GINS2: variants seen among roughly 807,000 people sequenced by gnomAD.
The protein encoded by GINS2 is DNA replication complex GINS protein PSF2.
In GINS2, 23 loss-of-function variants were observed where a neutral mutation model predicts 21.2. The observed-to-expected ratio is 1.08, with a 90% CI of 0.78 to 1.53. The LOEUF (loss-of-function observed/expected upper bound fraction) is 1.53, where lower values mean the gene tolerates loss of function less well. Among genes scored for constraint, GINS2 ranks in the 40% most tolerant of loss-of-function variants. GINS2 has a pLI of 0.00. For missense variants in GINS2, 323 were observed against 233.9 expected (o/e 1.38, Z -2.49); for synonymous variants, 118 against 85.6 (o/e 1.38, Z -2.09).
At chr16:85,686,945 G>C (rs1328182749) in intron 2 of GINS2, among the ~76,000 whole-genome samples, 1 of 152,172 alleles carries the variant, frequency 6.6e-6, no homozygotes, top group Non-Finnish European at 1.5e-5. Flanking sequence ...TAAAATATAG[G>C]CTGGGCACAG....
chr16:85,684,570 A>G (rs2053759625), intron 2 of GINS2, among the ~76,000 whole-genome samples: 1 of 151,990 alleles, frequency 6.6e-6, no homozygotes, highest in Non-Finnish European at 1.5e-5. Context: ...TCGGTGAACA[A>G]ATATGTAGTA....
chr16:85,681,525 G>T, intron 3 of GINS2, 57 bp downstream of exon 3: 2 of 1,007,696 alleles, frequency 2.0e-6, no homozygotes, highest in East Asian at 4.8e-5. Context: ...AGGGTTAGGG[G>T]AAGGGCATGG....
chr16:85,687,039 T>C (rs1159482078), intron 2 of GINS2, among the ~76,000 whole-genome samples: 1 of 152,190 alleles, frequency 6.6e-6, no homozygotes, highest in Admixed American at 6.5e-5. Context: ...CTGGGCAGCA[T>C]GGCAAGACCC....
In GINS2 at chr16:85,677,279, C is replaced by G. The variant is rs916847453; in HGVS notation, c.*933G>C. On this transcript the variant is annotated 3_prime_UTR_variant, in exon 5 of 5. Transcript: ENST00000253462. Reference sequence around the variant, plus strand: ...AAGGTAATGTAATTTCTGTAAAGGTCCTAACATTTCCAAAATGCTACGAAT... The same window carrying G: ...AAGGTAATGTAATTTCTGTAAAGGTGCTAACATTTCCAAAATGCTACGAAT... 1 of 152,088 alleles carries G rather than the reference C, an allele frequency of 6.6e-6. No homozygotes were observed. Among genetic ancestry groups the G allele is most frequent in the African/African-American group, 2.4e-5 (1 of 41,400 alleles). 9.4% of individuals were successfully genotyped at this position (152,088 alleles called of 1,614,324 possible). A position where few individuals can be genotyped will look rare whatever the true frequency, so the allele number is the denominator to read the frequency against.
At position 85,677,666 on chromosome 16, in the gene GINS2, G is replaced by C. The variant is rs576644199; in HGVS notation, c.*546C>G. ...GTTACGCAGCACAAAAACCTAGAGA[G>C]TCAGAGCTGAGTTGGGTCCATTTTT... is the stretch of plus-strand genomic sequence containing the variant. On this transcript the variant is annotated 3_prime_UTR_variant, in exon 5 of 5. Transcript: ENST00000253462. 1 of 152,580 alleles carries C rather than the reference G, an allele frequency of 6.6e-6. No individual in the cohort carries two copies. Among genetic ancestry groups the C allele is most frequent in the East Asian group, 1.9e-4 (1 of 5,180 alleles). The allele number at this position is 152,580 out of a possible 1,614,324, so 9.5% of individuals were successfully genotyped here. A position where few individuals can be genotyped will look rare whatever the true frequency, so the allele number is the denominator to read the frequency against.
chr16:85,680,087 C>T (rs1420663351), intron 3 of GINS2, among the ~76,000 whole-genome samples: 1 of 152,192 alleles, frequency 6.6e-6, no homozygotes, highest in African/African-American at 2.4e-5. Context: ...CTCTGATGGA[C>T]TGTCAAGAGC....
At chr16:85,685,005 T>G (rs923427986) in intron 2 of GINS2, among the ~76,000 whole-genome samples, 1 of 152,062 alleles carries the variant, frequency 6.6e-6, no homozygotes, top group Admixed American at 6.6e-5. Flanking sequence ...GCCAGGCTGG[T>G]CTTGAACTCC....
Position 85,679,542 on chromosome 16 carries a change from C to A in GINS2, c.306-876G>T, listed in dbSNP as rs540541654. Among the ~76,000 whole-genome samples, 108 of 152,276 alleles carry A rather than the reference C, an allele frequency of 7.1e-4. 1 individual carries two copies. Among genetic ancestry groups the A allele is most frequent in the African/African-American group, 2.2e-3 (92 of 41,550 alleles). Reference sequence around the variant, plus strand: ...TTATGTAGTGAGTTTTATTTATAAACCCAAACATTTAGATCTTGTGCTCTC... The same window carrying A: ...TTATGTAGTGAGTTTTATTTATAAAACCAAACATTTAGATCTTGTGCTCTC... On this transcript the variant is annotated intron_variant, in intron 3 of 4. Transcript: ENST00000253462.
At chr16:85,680,658 C>T (rs1028599941) in intron 3 of GINS2, among the ~76,000 whole-genome samples, 1 of 152,088 alleles carries the variant, frequency 6.6e-6, no homozygotes, top group Non-Finnish European at 1.5e-5. Flanking sequence ...AATGCCATAG[C>T]AATGTGTAGA....
chr16:85,688,782 C>G, intron 1 of GINS2, 27 bp downstream of exon 1: 1 of 1,430,268 alleles, frequency 7.0e-7, no homozygotes, highest in Non-Finnish European at 9.4e-7. Context: ...CCCGGCCTCC[C>G]CTCCCCACGG....
At chr16:85,682,534 G>A (rs1241447928) in intron 2 of GINS2, among the ~76,000 whole-genome samples, 10 of 150,150 alleles carry the variant, frequency 6.7e-5, no homozygotes, top group Non-Finnish European at 8.9e-5. Flanking sequence ...TATCCTAGGG[G>A]GGTTAAGCCA....
At chr16:85,686,408 ACT>A (rs1458097078) in intron 2 of GINS2, among the ~76,000 whole-genome samples, 1 of 144,796 alleles carries the variant, frequency 6.9e-6, no homozygotes, top group Non-Finnish European at 1.5e-5. Flanking sequence ...ACAGAGCGAG[ACT>A]CTGTCTCAAA....
chr16:85,684,877 T>G (rs890015271), intron 2 of GINS2, among the ~76,000 whole-genome samples: 10 of 151,800 alleles, frequency 6.6e-5, no homozygotes, highest in Non-Finnish European at 1.3e-4. Flanking sequence ...AACTTCCACC[T>G]CCTGGATTCA....
At chr16:85,682,201 G>C (rs1209880217) in intron 2 of GINS2, among the ~76,000 whole-genome samples, 1 of 151,808 alleles carries the variant, frequency 6.6e-6, no homozygotes, top group Non-Finnish European at 1.5e-5. Flanking sequence ...TTTTTGTAGA[G>C]ACAAGGTCTC....
At chr16:85,683,563 G>C (rs1283485434) in intron 2 of GINS2, among the ~76,000 whole-genome samples, 1 of 152,178 alleles carries the variant, frequency 6.6e-6, no homozygotes, top group Non-Finnish European at 1.5e-5. Context: ...TGGGCCTCCA[G>C]CCAAGAGCCT....
chr16:85,681,285 G>C (rs773902714), intron 3 of GINS2, among the ~76,000 whole-genome samples: 1 of 152,240 alleles, frequency 6.6e-6, no homozygotes, highest in Non-Finnish European at 1.5e-5. Context: ...CCAATGTCGA[G>C]TGATGTGAGG....
intron 2 of GINS2, among the ~76,000 whole-genome samples, chr16:85,684,096 G>C (rs1182188241): frequency 1.3e-5 from 2 of 152,210 alleles, no homozygotes; most frequent in Admixed American, 1.3e-4. Flanking sequence ...GCTCACACTT[G>C]TAATCCCAGC....
At chr16:85,682,354 C>G (rs764623600) in intron 2 of GINS2, among the ~76,000 whole-genome samples, 5 of 152,082 alleles carry the variant, frequency 3.3e-5, no homozygotes, top group Non-Finnish European at 7.4e-5. Context: ...TAGTCAGTGA[C>G]TTAAATTTAT....
In GINS2 at chr16:85,676,914, G is replaced by A. The variant is rs549803563; in HGVS notation, c.*1298C>T. The A allele has an allele frequency of 3.3e-5, 5 of 152,360 alleles. No individual in the cohort carries two copies. The highest frequency in any genetic ancestry group is 1.2e-4 in the African/African-American group (5 of 41,578). 9.4% of individuals were successfully genotyped at this position (152,360 alleles called of 1,614,324 possible). A position where few individuals can be genotyped will look rare whatever the true frequency, so the allele number is the denominator to read the frequency against. On this transcript the variant is annotated 3_prime_UTR_variant, in exon 5 of 5. Transcript: ENST00000253462. Reference sequence around the variant, plus strand: ...AGTCTTGCTCTCGTTGCCCAGGCAGGAGTACAGTGGTGCAATCTTGGCTCA... The same window carrying A: ...AGTCTTGCTCTCGTTGCCCAGGCAGAAGTACAGTGGTGCAATCTTGGCTCA...
Sources: gnomAD v4.1 joint callset for allele counts (sites outside exome capture counted in the v4.1 genomes callset) on GRCh38, gnomAD v4.1.1 for gene constraint, MANE v1.5 for transcripts, NCBI Gene and HGNC (gene_info 2026-07-23, HGNC 2026-07-21) for gene names.